The following WDR70 variants were observed in gnomAD, a reference collection of about 807,000 sequenced individuals.
The protein encoded by WDR70 is WD repeat-containing protein 70.
A neutral mutation model predicts 88.6 loss-of-function variants in WDR70; 53 were observed. That is an observed-to-expected ratio of 0.60 (90% CI 0.48 to 0.75). The LOEUF (loss-of-function observed/expected upper bound fraction) is 0.75, where lower values mean the gene tolerates loss of function less well. Among genes scored for constraint, WDR70 ranks in the 30% least tolerant of loss-of-function variants. The probability of loss-of-function intolerance (pLI) is 0.00; values close to 1 mark genes in which losing one functional copy is unlikely to be tolerated. For missense variants in WDR70, 610 were observed against 823.2 expected (o/e 0.74, Z 3.17); for synonymous variants, 280 against 270.0 (o/e 1.04, Z -0.36).
At chr5:37,653,351 A>G (rs1274480469) in intron 10 of WDR70, among the ~76,000 whole-genome samples, 1 of 152,114 alleles carries the variant, frequency 6.6e-6, no homozygotes, top group Non-Finnish European at 1.5e-5. Context: ...CCAGTATTTT[A>G]TTAAGGGTTT....
At chr5:37,387,584 G>A (rs2111866792) in intron 3 of WDR70, among the ~76,000 whole-genome samples, 1 of 151,206 alleles carries the variant, frequency 6.6e-6, no homozygotes, top group African/African-American at 2.4e-5. Flanking sequence ...CATGTAAATA[G>A]AAAATACCAT....
chr5:37,465,800 CTT>C lies in WDR70; in HGVS notation c.687-14022_687-14021del, dbSNP rs138421248. Among the ~76,000 whole-genome samples, 463 of 142,896 alleles carry C rather than the reference CTT, an allele frequency of 3.2e-3. 5 individuals carry two copies. Among genetic ancestry groups the C allele is most frequent in the South Asian group, 7.5e-3 (34 of 4,532 alleles). The allele number at this position is 142,896 out of a possible 152,430, so 93.7% of individuals were successfully genotyped here. ...TATTTATATTAAAAAAATTTCTAAA[CTT>C]TTTTTTTTTTTGCAAGAAACTGTAT... On this transcript the variant is annotated intron_variant, in intron 7 of 17. Transcript: ENST00000265107.
rs1043618787 is a variant in WDR70 at position 37,752,630 on chromosome 5, T to TG, written c.*57_*58insG. ...GGGAGGGGTATGGGACAGGTTTGGG[T>TG]TTTTTTTTTATGCTCATGAAATTAA... On this transcript the variant is annotated 3_prime_UTR_variant, in exon 18 of 18. Transcript: ENST00000265107. 23 of 1,056,708 alleles carry TG rather than the reference T, an allele frequency of 2.2e-5. No individual in the cohort carries two copies. The highest frequency in any genetic ancestry group is 8.4e-5 in the African/African-American group (5 of 59,262). The allele number at this position is 1,056,708 out of a possible 1,614,324, so 65.5% of individuals were successfully genotyped here.
At chr5:37,579,651 TAATTA>T (rs1743163738) in intron 9 of WDR70, among the ~76,000 whole-genome samples, 1 of 151,844 alleles carries the variant, frequency 6.6e-6, no homozygotes, top group South Asian at 2.1e-4. Context: ...AATATAGATT[TAATTA>T]TTGTTTGAAA....
At chr5:37,440,619 A>ACAGGCGTG (rs1750624663) in intron 6 of WDR70, among the ~76,000 whole-genome samples, 1 of 152,254 alleles carries the variant, frequency 6.6e-6, no homozygotes, top group South Asian at 2.1e-4. Flanking sequence ...TGCTGGGATT[A>ACAGGCGTG]CAGGCGTGAG....
At chr5:37,638,894 G>A (rs1394559893) in intron 10 of WDR70, among the ~76,000 whole-genome samples, 1 of 152,132 alleles carries the variant, frequency 6.6e-6, no homozygotes, top group African/African-American at 2.4e-5. Context: ...TACAATATTA[G>A]CTTCAATTAT....
intron 8 of WDR70, among the ~76,000 whole-genome samples, chr5:37,510,955 T>C (rs1409585540): frequency 6.6e-6 from 1 of 152,206 alleles, no homozygotes; most frequent in Admixed American, 6.5e-5. Flanking sequence ...AGGAAGTATG[T>C]GATGTCAGCT....
intron 9 of WDR70, among the ~76,000 whole-genome samples, chr5:37,583,069 T>C (rs776525325): frequency 6.6e-6 from 1 of 152,138 alleles, no homozygotes; most frequent in African/African-American, 2.4e-5. Context: ...CTGTTGGTGA[T>C]TTTTTCTCCT....
intron 5 of WDR70, among the ~76,000 whole-genome samples, chr5:37,416,910 C>T (rs971347006): frequency 6.6e-6 from 1 of 152,172 alleles, no homozygotes; most frequent in Admixed American, 6.5e-5. Flanking sequence ...GCTAATACTC[C>T]ACTTACACAT....
At chr5:37,749,572 T>A (rs561231206) in intron 17 of WDR70, among the ~76,000 whole-genome samples, 2 of 151,332 alleles carry the variant, frequency 1.3e-5, no homozygotes, top group African/African-American at 4.9e-5. Context: ...AGAAAAAAAA[T>A]ATTATGCATA....
chr5:37,639,386 C>T (rs963337329), intron 10 of WDR70, among the ~76,000 whole-genome samples: 4 of 152,162 alleles, frequency 2.6e-5, no homozygotes, highest in African/African-American at 4.8e-5. Flanking sequence ...ACACAATTCA[C>T]GCTGAAAATG....
chr5:37,651,979 A>G (rs1010570791), intron 10 of WDR70, among the ~76,000 whole-genome samples: 6 of 151,714 alleles, frequency 4.0e-5, no homozygotes, highest in African/African-American at 4.8e-5. Context: ...CCGTTTATCA[A>G]TTTTGGCTTT....
intron 8 of WDR70, among the ~76,000 whole-genome samples, chr5:37,497,454 T>TTCTGTCTTCCCTTC (rs1317146969): frequency 2.7e-5 from 3 of 110,220 alleles, no homozygotes; most frequent in African/African-American, 1.1e-4. Flanking sequence ...GTCTTCCCTT[T>TTCTGTCTTCCCTTC]CCTTCCGTCT....
At chr5:37,463,932 G>T (rs942296301) in intron 7 of WDR70, among the ~76,000 whole-genome samples, 1 of 152,096 alleles carries the variant, frequency 6.6e-6, no homozygotes, top group African/African-American at 2.4e-5. Context: ...GACAAACAGT[G>T]AGACAGAGGG....
At chr5:37,449,122 C>T (rs1396151402) in intron 7 of WDR70, among the ~76,000 whole-genome samples, 2 of 152,210 alleles carry the variant, frequency 1.3e-5, no homozygotes, top group African/African-American at 4.8e-5. Context: ...AAATTTGGCT[C>T]CACTTCCTGG....
In WDR70 at chr5:37,753,307, T is replaced by C. The variant is rs2112754391; in HGVS notation, c.*734T>C. On this transcript the variant is annotated 3_prime_UTR_variant, in exon 18 of 18. Coordinates refer to ENST00000265107, the MANE Select transcript of WDR70 (RefSeq NM_018034.4). ...TGGAACACAGTAAATGTATACCAAA[T>C]ATTTGCTATTTTAAAATAGGGCTAA... The C allele has an allele frequency of 6.6e-6, 1 of 152,326 alleles. No individual in the cohort carries two copies. Among genetic ancestry groups the C allele is most frequent in the South Asian group, 2.1e-4 (1 of 4,828 alleles). The allele number at this position is 152,326 out of a possible 1,614,324, so 9.4% of individuals were successfully genotyped here.
rs76070065 is a variant in WDR70, at chr5:37,626,324, C to T, written c.1092+21086C>T. On this transcript the variant is annotated intron_variant, in intron 10 of 17. Transcript: ENST00000265107. ...TTTATTAAGAGTTTTTATCATGAAA[C>T]GATGTTGAATTTTATCAAAAGCTAT... 5.8e-4 allele frequency among the ~76,000 whole-genome samples: 89 copies of T among 152,172 alleles called. 1 individual carries two copies. Among genetic ancestry groups the T allele is most frequent in the Middle Eastern group, 3.4e-3 (1 of 294 alleles).
chr5:37,662,936 A>G (rs1223090708), intron 10 of WDR70, among the ~76,000 whole-genome samples: 3 of 152,194 alleles, frequency 2.0e-5, no homozygotes, highest in African/African-American at 4.8e-5. Context: ...TACTGAGACT[A>G]TGAATTACAG....
At chr5:37,646,879 TTATACTTGAATATTGA>T (rs1344701544) in intron 10 of WDR70, among the ~76,000 whole-genome samples, 2 of 152,232 alleles carry the variant, frequency 1.3e-5, no homozygotes, top group Non-Finnish European at 2.9e-5. Flanking sequence ...TATAACCTTT[TTATACTTGAATATTGA>T]TATATTTCTC....
Sources: gnomAD v4.1 joint callset for allele counts (sites outside exome capture counted in the v4.1 genomes callset) on GRCh38, gnomAD v4.1.1 for gene constraint, MANE v1.5 for transcripts, NCBI Gene and HGNC (gene_info 2026-07-23, HGNC 2026-07-21) for gene names.